RNF144A: variants seen among roughly 807,000 people sequenced by gnomAD.
RNF144A encodes E3 ubiquitin-protein ligase RNF144A.
RNF144A carries 11 observed loss-of-function variants against 38.7 expected under a neutral mutation model. That is an observed-to-expected ratio of 0.28 (90% confidence interval 0.18 to 0.47). The LOEUF (loss-of-function observed/expected upper bound fraction) is 0.47, where lower values mean the gene tolerates loss of function less well. RNF144A is among the 20% of genes least tolerant of loss of function. The pLI is 0.99. For synonymous variants in RNF144A, 149 were observed against 143.9 expected, an observed-to-expected ratio of 1.04 and a Z score of -0.25; for missense variants, 316 against 377.2, an observed-to-expected ratio of 0.84 and a Z score of 1.34.
chr2:6,917,472 G>A lies in RNF144A; in HGVS notation c.-362G>A, dbSNP rs1272104329. ...TTCTCCCCGCGCGGGCTCTCGGCAG[G>A]CGGGAGGCGGCAGGGCTGGCATTGC... On this transcript the variant is annotated 5_prime_UTR_variant, in exon 1 of 9. Coordinates refer to ENST00000320892, the MANE Select transcript of RNF144A (RefSeq NM_014746.6). This position sits in a 1 kb window ranked among gnomAD's most constrained non-coding sequence, Gnocchi z 4.8. 1.4e-5 allele frequency: 2 copies of A among 147,160 alleles called. No individual in the cohort carries two copies. The highest frequency in any genetic ancestry group is 3.0e-5 in the Non-Finnish European group (2 of 66,132). 9.1% of individuals were successfully genotyped at this position (147,160 alleles called of 1,614,324 possible).
chr2:7,004,663 C>G (rs2103403840), intron 3 of RNF144A, among the ~76,000 whole-genome samples: 1 of 152,282 alleles, frequency 6.6e-6, no homozygotes, highest in South Asian at 2.1e-4. Context: ...TGCCTTTTTC[C>G]CCAGCTTCCT....
chr2:6,985,139 T>G (rs1004614105), intron 2 of RNF144A, among the ~76,000 whole-genome samples: 10 of 152,224 alleles, frequency 6.6e-5, no homozygotes, highest in African/African-American at 2.4e-4. Context: ...TACATAATTT[T>G]CTGGGCAGGT....
chr2:6,950,821 T>C (rs1666629314), intron 2 of RNF144A, among the ~76,000 whole-genome samples: 1 of 152,248 alleles, frequency 6.6e-6, no homozygotes, highest in Non-Finnish European at 1.5e-5. Context: ...TTGTCCACTG[T>C]AAAATGACTG....
intron 2 of RNF144A, among the ~76,000 whole-genome samples, chr2:6,963,631 A>G (rs1006056791): frequency 2.0e-5 from 3 of 152,216 alleles, no homozygotes; most frequent in African/African-American, 7.2e-5. Flanking sequence ...TGTAGTTTTA[A>G]CAAATTTCCT....
intron 2 of RNF144A, among the ~76,000 whole-genome samples, chr2:6,993,531 C>G (rs1483091871): frequency 6.6e-6 from 1 of 152,142 alleles, no homozygotes; most frequent in Non-Finnish European, 1.5e-5. Flanking sequence ...AGGTCCAGCA[C>G]AGAGGCTATA....
At chr2:6,934,893 G>A (rs1665469030) in intron 1 of RNF144A, among the ~76,000 whole-genome samples, 1 of 152,194 alleles carries the variant, frequency 6.6e-6, no homozygotes, top group Non-Finnish European at 1.5e-5. Flanking sequence ...TGCAGTAGCT[G>A]TGCTTTTGCC....
At chr2:7,019,081 G>A (rs1671336033) in intron 5 of RNF144A, among the ~76,000 whole-genome samples, 1 of 152,148 alleles carries the variant, frequency 6.6e-6, no homozygotes, top group Non-Finnish European at 1.5e-5. Context: ...AAACAACATG[G>A]TCCTCAGACT....
At chr2:6,965,702 A>G (rs1373113339) in intron 2 of RNF144A, among the ~76,000 whole-genome samples, 1 of 152,170 alleles carries the variant, frequency 6.6e-6, no homozygotes, top group Non-Finnish European at 1.5e-5. Flanking sequence ...TTTCCAGGTG[A>G]ATAAGGAAAA....
intron 5 of RNF144A, among the ~76,000 whole-genome samples, chr2:7,018,783 G>C (rs1367560562): frequency 6.6e-6 from 1 of 152,190 alleles, no homozygotes; most frequent in Non-Finnish European, 1.5e-5. Flanking sequence ...AATTAGAGTA[G>C]AGCACCTGTT....
chr2:7,000,845 A>G (rs1230034134), intron 3 of RNF144A, among the ~76,000 whole-genome samples: 1 of 150,690 alleles, frequency 6.6e-6, no homozygotes, highest in Non-Finnish European at 1.5e-5. Flanking sequence ...CATATATTTT[A>G]TATATATATT....
chr2:7,044,925 C>A (rs1487143790), downstream of RNF144A, among the ~76,000 whole-genome samples: 1 of 152,220 alleles, frequency 6.6e-6, no homozygotes, highest in Non-Finnish European at 1.5e-5. Context: ...CTCTTAGTCT[C>A]AAGGGGTTGA....
At chr2:7,028,066 A>T (rs991982289) in intron 7 of RNF144A, among the ~76,000 whole-genome samples, 1 of 151,974 alleles carries the variant, frequency 6.6e-6, no homozygotes, top group African/African-American at 2.4e-5. Flanking sequence ...ATCCGGACAC[A>T]TTGCTATGAA....
At chr2:7,058,586 A>G (rs1315751458) in intron 6 of RNF144A, among the ~76,000 whole-genome samples, 1 of 152,168 alleles carries the variant, frequency 6.6e-6, no homozygotes, top group Admixed American at 6.5e-5. Context: ...TTTCTAAAGG[A>G]TAAAAACTTT....
intron 3 of RNF144A, among the ~76,000 whole-genome samples, chr2:7,010,733 C>G (rs1385765681): frequency 6.6e-6 from 1 of 152,022 alleles, no homozygotes; most frequent in East Asian, 1.9e-4. Context: ...GCCTTTTTTC[C>G]TGCAATGCCT....
intron 2 of RNF144A, among the ~76,000 whole-genome samples, chr2:6,976,934 G>A (rs1668354028): frequency 6.6e-6 from 1 of 151,972 alleles, no homozygotes; most frequent in African/African-American, 2.4e-5. Flanking sequence ...TTATATTCAT[G>A]CACTTGCAGC....
At chr2:6,921,203 A>G (rs2103266569) in intron 1 of RNF144A, among the ~76,000 whole-genome samples, 1 of 152,320 alleles carries the variant, frequency 6.6e-6, no homozygotes, top group South Asian at 2.1e-4. Flanking sequence ...TTCACTCCAC[A>G]AATAACCCAA....
intron 2 of RNF144A, among the ~76,000 whole-genome samples, chr2:6,985,824 C>T (rs1406364316): frequency 6.6e-6 from 1 of 152,146 alleles, no homozygotes; most frequent in African/African-American, 2.4e-5. Context: ...ACGTGCGCAC[C>T]ATCGCACCCG....
chr2:6,979,612 G>C (rs1668511777), intron 2 of RNF144A, among the ~76,000 whole-genome samples: 1 of 151,940 alleles, frequency 6.6e-6, no homozygotes, highest in African/African-American at 2.4e-5. Flanking sequence ...CATCTTTGGT[G>C]GGGGACCAGA....
chr2:6,923,502 T>C (rs1664672803), intron 1 of RNF144A, among the ~76,000 whole-genome samples: 1 of 152,228 alleles, frequency 6.6e-6, no homozygotes, highest in Admixed American at 6.5e-5. Flanking sequence ...GCTGCTGACG[T>C]GTGCCCTGGG....
Sources: gnomAD v4.1 joint callset for allele counts (sites outside exome capture counted in the v4.1 genomes callset) on GRCh38, gnomAD v4.1.1 for gene constraint, Gnocchi (gnomAD v3.1) non-coding constraint, MANE v1.5 for transcripts, NCBI Gene and HGNC (gene_info 2026-07-23, HGNC 2026-07-21) for gene names.